Variants in TMPRSS5 observed in about 807,000 individuals in gnomAD.
TMPRSS5 encodes the protein transmembrane serine protease 5.
TMPRSS5 carries 45 observed loss-of-function variants against 59.7 expected under a neutral mutation model. That is an observed-to-expected ratio of 0.75 (90% CI 0.59 to 0.97). The LOEUF is 0.97. TMPRSS5 is among the 50% of genes least tolerant of loss of function. TMPRSS5 has a pLI of 0.00. For synonymous variants in TMPRSS5, 225 were observed against 232.0 expected (o/e 0.97, Z 0.27); for missense variants, 585 against 596.7 (o/e 0.98, Z 0.20).
rs777598000 is a variant in TMPRSS5, at chr11:113,690,914, C to T, written c.990G>A (p.Pro330=). The change falls in exon 10 of 13, where the codon CCG becomes CCA. Residue 330 remains proline (P), a synonymous_variant. Coordinates refer to ENST00000299882, the MANE Select transcript of TMPRSS5 (RefSeq NM_030770.4). ...CCTTCGGAAAATGCTGTTCCTTGGC[C>T]GGCAGGCACACAGCGCCCACAGTGT... ...FSDTVGAVCL[P]AKEQHFPKGS... 20 of 1,593,542 alleles carry T rather than the reference C, an allele frequency of 1.3e-5. No individual in the cohort carries two copies. The highest frequency in any genetic ancestry group is 2.7e-5 in the African/African-American group (2 of 74,606).
intron 2 of TMPRSS5, 160 bp from the exon 3 acceptor site, chr11:113,699,853 AG>A: frequency 7.1e-7 from 1 of 1,415,056 alleles, no homozygotes; most frequent in Non-Finnish European, 9.6e-7. Flanking sequence ...GGGGCAGGGG[AG>A]GATGGAGAGG....
At chr11:113,699,934 G>A in intron 2 of TMPRSS5, 132 bp downstream of exon 2, 5 of 1,526,782 alleles carry the variant, frequency 3.3e-6, no homozygotes, top group Non-Finnish European at 4.4e-6. Flanking sequence ...AAGCAGGTCT[G>A]GGGATAAAGA....
chr11:113,701,925 G>T (rs1367755942), intron 1 of TMPRSS5, among the ~76,000 whole-genome samples: 1 of 152,034 alleles, frequency 6.6e-6, no homozygotes, highest in Non-Finnish European at 1.5e-5. Flanking sequence ...TATGCATTCG[G>T]TATTTGTCCT....
At chr11:113,688,491 C>G (rs552414734) in intron 12 of TMPRSS5, among the ~76,000 whole-genome samples, 1 of 152,202 alleles carries the variant, frequency 6.6e-6, no homozygotes, top group Non-Finnish European at 1.5e-5. Context: ...TACCAACCCC[C>G]ACCCCTGCCC....
At chr11:113,690,411 C>G in intron 10 of TMPRSS5, 38 bp from the exon 11 acceptor site, 1 of 1,587,994 alleles carries the variant, frequency 6.3e-7, no homozygotes, top group Non-Finnish European at 8.5e-7. Context: ...GGGCACAAAG[C>G]AAGGCCCAGG....
intron 8 of TMPRSS5, 71 bp downstream of exon 8, chr11:113,694,407 A>G: frequency 6.7e-7 from 1 of 1,503,060 alleles, no homozygotes; most frequent in Non-Finnish European, 9.0e-7. Context: ...AACATTTGAT[A>G]CAGGACATAC....
At chr11:113,694,902 T>C (rs1000708155) in intron 7 of TMPRSS5, among the ~76,000 whole-genome samples, 1 of 152,152 alleles carries the variant, frequency 6.6e-6, no homozygotes, top group Non-Finnish European at 1.5e-5. Flanking sequence ...AGAATGCCTG[T>C]CCTGTAGTAA....
intron 11 of TMPRSS5, 55 bp downstream of exon 11, chr11:113,690,176 G>GGCCCGCCC: frequency 5.2e-6 from 2 of 388,230 alleles, no homozygotes; most frequent in Non-Finnish European, 8.3e-6. Flanking sequence ...CAGGCCCCCT[G>GGCCCGCCC]CCCTCCCACC....
chr11:113,693,273 C>A, intron 8 of TMPRSS5, 24 bp from the exon 9 acceptor site: 1 of 1,512,292 alleles, frequency 6.6e-7, no homozygotes, highest in Non-Finnish European at 8.9e-7. Flanking sequence ...CCATGCTGAG[C>A]GGGGAAGGAA....
chr11:113,690,176 G>GGCCCCCCCCCCC, intron 11 of TMPRSS5, 55 bp downstream of exon 11: 13 of 388,216 alleles, frequency 3.3e-5, no homozygotes, highest in Admixed American at 5.8e-5. Flanking sequence ...CAGGCCCCCT[G>GGCCCCCCCCCCC]CCCTCCCACC....
intron 6 of TMPRSS5, among the ~76,000 whole-genome samples, chr11:113,695,702 C>T (rs1041972683): frequency 1.3e-5 from 2 of 152,160 alleles, no homozygotes; most frequent in African/African-American, 2.4e-5. Flanking sequence ...ACTTCATGGT[C>T]CTTGCAGATC....
At chr11:113,702,166 C>T (rs138618711) in intron 1 of TMPRSS5, among the ~76,000 whole-genome samples, 291 of 152,318 alleles carry the variant, frequency 1.9e-3, no homozygotes, top group African/African-American at 6.6e-3. Flanking sequence ...ATATGTGCCA[C>T]ATTTTCTTTA....
In TMPRSS5 at chr11:113,690,140, G is replaced by C. The variant is rs543346171; in HGVS notation, c.1206+91C>G. ...CTGTCTCACACCACTGACAAGCTCA[G>C]ACCAGGGCAGGGGGCCAAGTCACAG... On this transcript the variant is annotated intron_variant, in intron 11 of 12. Transcript: ENST00000299882. The C allele has an allele frequency of 1.8e-4, 261 of 1,470,918 alleles. No individual in the cohort carries two copies. The African/African-American group carries it at 3.2e-3, about 18-fold the overall frequency. The allele number at this position is 1,470,918 out of a possible 1,614,324, so 91.1% of individuals were successfully genotyped here. A position where few individuals can be genotyped will look rare whatever the true frequency, so the allele number is the denominator to read the frequency against.
Position 113,697,297 on chromosome 11 carries a change from G to T in TMPRSS5, c.450C>A (p.Ser150Arg), listed in dbSNP as rs1455149685. 6.2e-7 allele frequency: 1 copy of T among 1,612,014 alleles called. No individual in the cohort carries two copies. Among genetic ancestry groups the T allele is most frequent in the Non-Finnish European group, 8.5e-7 (1 of 1,178,492 alleles). Residue 150 changes from serine (S) to arginine (R), a missense_variant, in exon 5 of 13, where the codon AGC (serine) becomes AGA (arginine). Physicochemically the swap from Ser to Arg is moderately radical, Grantham distance 110. Transcript: ENST00000299882. The part of the protein sequence containing the change: ...SPALGLQICW[S>R]LGHLRLTHHK... ...ACTCCTGTTACCTGAGATGCCCAAGGCTCCAGCAGATCTGCAGCCCCAGGG... is the reference window on the plus strand; with the variant it reads ...ACTCCTGTTACCTGAGATGCCCAAGTCTCCAGCAGATCTGCAGCCCCAGGG...
Position 113,699,585 on chromosome 11 carries a change from C to T in TMPRSS5, c.205+10G>A. 2 of 1,564,758 alleles carry T rather than the reference C, an allele frequency of 1.3e-6. No individual in the cohort carries two copies. The highest frequency in any genetic ancestry group is 1.4e-5 in the African/African-American group (1 of 73,652). ...CTCCCCCACACCAGAGAAAGGCCCC[C>T]AGCACTGACCTAGGAGCCATGAGCC... On this transcript the variant is annotated intron_variant, in intron 3 of 12. Coordinates refer to ENST00000299882, the MANE Select transcript of TMPRSS5 (RefSeq NM_030770.4).
chr11:113,689,217 G>A (rs7106500), intron 12 of TMPRSS5, among the ~76,000 whole-genome samples: 12,260 of 152,002 alleles, frequency 0.081, 606 homozygotes, highest in Non-Finnish European at 0.11. Context: ...TTAGCCAGGC[G>A]TGGTGGTGCA....
Position 113,693,211 on chromosome 11 carries a change from G to A in TMPRSS5, c.824C>T (p.Ala275Val), listed in dbSNP as rs769093554. ...GACGGCACTGTGGCTGACCAGCCCC[G>A]CATGAACCCGCCAGCTGGACAGGCG... ...LARLSSWRVH[A>V]GLVSHSAVRP... Residue 275 changes from alanine to valine, a missense_variant, in exon 9 of 13, where the codon GCG (alanine) becomes GTG (valine). Ala to Val is a moderately conservative substitution (Grantham distance 64, BLOSUM62 0). Coordinates refer to ENST00000299882, the MANE Select transcript of TMPRSS5 (RefSeq NM_030770.4). The A allele has an allele frequency of 7.9e-5, 125 of 1,585,778 alleles. No individual in the cohort carries two copies. The highest frequency in any genetic ancestry group is 2.6e-4 in the South Asian group (23 of 87,154).
chr11:113,697,877 T>A (rs1482942746), intron 4 of TMPRSS5, among the ~76,000 whole-genome samples: 1 of 152,188 alleles, frequency 6.6e-6, no homozygotes, highest in Non-Finnish European at 1.5e-5. Context: ...GACTGACTCA[T>A]GTCCCCGCCC....
At chr11:113,702,200 T>C (rs1264667860) in intron 1 of TMPRSS5, among the ~76,000 whole-genome samples, 2 of 152,220 alleles carry the variant, frequency 1.3e-5, no homozygotes, top group East Asian at 1.9e-4. Context: ...TGATGGGCAT[T>C]TGAGTTGGTT....
Sources: allele counts gnomAD v4.1 joint callset (sites outside exome capture counted in the v4.1 genomes callset), GRCh38; gene constraint gnomAD v4.1.1; transcripts MANE v1.5; gene names NCBI Gene and HGNC (gene_info 2026-07-23, HGNC 2026-07-21).